Variants in ABI3BP observed in about 807,000 individuals in gnomAD.
ABI3BP encodes ABI family member 3 binding protein.
In ABI3BP, 216 loss-of-function variants were observed where a neutral mutation model predicts 268.6. The ratio of observed to expected loss-of-function variants is 0.80; its 90% CI spans 0.72 to 0.90. The LOEUF (loss-of-function observed/expected upper bound fraction) is 0.90, where lower values mean the gene tolerates loss of function less well. Among genes scored for constraint, ABI3BP ranks in the 40% least tolerant of loss-of-function variants. The pLI, the probability that ABI3BP is intolerant of heterozygous loss-of-function variation, is 0.00. For synonymous variants in ABI3BP, 730 were observed against 730.0 expected, an observed-to-expected ratio of 1.00 and a Z score of 0.00; for missense variants, 2,090 against 2,182.4, an observed-to-expected ratio of 0.96 and a Z score of 0.84.
intron 3 of ABI3BP, among the ~76,000 whole-genome samples, chr3:100,900,137 T>C (rs865912501): frequency 6.6e-6 from 1 of 152,376 alleles, no homozygotes; most frequent in Middle Eastern, 3.4e-3. Context: ...AAGATAGTTA[T>C]CATTTACATG....
chr3:100,864,973 C>T, intron 10 of ABI3BP, 66 bp from the exon 11 acceptor site: 2 of 1,218,042 alleles, frequency 1.6e-6, no homozygotes, highest in Non-Finnish European at 1.2e-6. Context: ...CCAGGAGACA[C>T]ATCCTGTTGC....
intron 14 of ABI3BP, among the ~76,000 whole-genome samples, chr3:100,853,295 CAA>C (rs1423160672): frequency 6.6e-6 from 1 of 152,154 alleles, no homozygotes; most frequent in Non-Finnish European, 1.5e-5. Flanking sequence ...ATTGTAATGT[CAA>C]GTTTCCTTTA....
Position 100,795,021 on chromosome 3 carries a change from C to T in ABI3BP, c.3866-18G>A, listed in dbSNP as rs1244788882. The stretch of plus-strand genomic sequence containing the variant: ...TAGAGGAGCTGCAAAAAGAAAAGGA[C>T]CAAGGTTGTAAATTTTTAGATTCAA... On this transcript the variant is annotated intron_variant, in intron 53 of 67. Transcript: ENST00000471714. 14 of 1,425,466 alleles carry T rather than the reference C, an allele frequency of 9.8e-6. No homozygotes were observed. The highest frequency in any genetic ancestry group is 1.3e-5 in the Non-Finnish European group (14 of 1,086,082). 88.3% of individuals were successfully genotyped at this position (1,425,466 alleles called of 1,614,324 possible).
At chr3:100,808,067 C>A in intron 50 of ABI3BP, 94 bp downstream of exon 50, 1 of 1,088,122 alleles carries the variant, frequency 9.2e-7, no homozygotes, top group South Asian at 1.3e-5. Flanking sequence ...GTGTTAAAGA[C>A]TCAATCTGCT....
intron 1 of ABI3BP, among the ~76,000 whole-genome samples, chr3:100,933,647 C>A (rs200837719): frequency 8.2e-4 from 66 of 80,926 alleles, no homozygotes; most frequent in Middle Eastern, 0.02. Flanking sequence ...ATATATATAT[C>A]TATTGAAGGA....
intron 1 of ABI3BP, among the ~76,000 whole-genome samples, chr3:100,947,804 G>C (rs1032529795): frequency 1.3e-5 from 2 of 151,992 alleles, no homozygotes; most frequent in African/African-American, 4.8e-5. Flanking sequence ...AAAGAGTGGC[G>C]GATAAGGCAC....
intron 16 of ABI3BP, among the ~76,000 whole-genome samples, 182 bp downstream of exon 16, chr3:100,850,478 T>C (rs546460794): frequency 6.6e-6 from 1 of 152,134 alleles, no homozygotes; most frequent in East Asian, 1.9e-4. Context: ...AAAAATAAAA[T>C]AGAGCCCTAA....
intron 20 of ABI3BP, among the ~76,000 whole-genome samples, chr3:100,844,918 A>C (rs2098750376): frequency 6.6e-6 from 1 of 152,224 alleles, no homozygotes; most frequent in South Asian, 2.1e-4. Flanking sequence ...TACAATGATA[A>C]AAATATAACC....
chr3:100,779,135 T>C (rs770661749), intron 58 of ABI3BP, among the ~76,000 whole-genome samples: 5 of 152,218 alleles, frequency 3.3e-5, no homozygotes, highest in South Asian at 2.1e-4. Flanking sequence ...CTCAGCTCTA[T>C]TATGTAATTA....
At chr3:100,766,894 A>T (rs1002301623) in intron 62 of ABI3BP, among the ~76,000 whole-genome samples, 2 of 152,226 alleles carry the variant, frequency 1.3e-5, no homozygotes, top group Non-Finnish European at 2.9e-5. Context: ...CTGGCAAGTT[A>T]TATTAGGGAT....
At chr3:100,916,342 G>C (rs147737585) in intron 2 of ABI3BP, among the ~76,000 whole-genome samples, 3 of 152,172 alleles carry the variant, frequency 2.0e-5, no homozygotes, top group Non-Finnish European at 2.9e-5. Flanking sequence ...CTTTTCAAAT[G>C]TTCTTGTCAG....
intron 1 of ABI3BP, among the ~76,000 whole-genome samples, chr3:100,979,342 T>G (rs2087991968): frequency 6.6e-6 from 1 of 152,136 alleles, no homozygotes; most frequent in South Asian, 2.1e-4. Flanking sequence ...GGATGCAAGT[T>G]CATAAATGAA....
At chr3:100,885,472 C>A in intron 6 of ABI3BP, 64 bp downstream of exon 6, 1 of 924,784 alleles carries the variant, frequency 1.1e-6, no homozygotes, top group Non-Finnish European at 1.6e-6. Context: ...TATAATAAGA[C>A]TATTTCCTTA....
intron 14 of ABI3BP, among the ~76,000 whole-genome samples, chr3:100,855,235 G>A (rs537504653): frequency 1.3e-5 from 2 of 152,272 alleles, no homozygotes; most frequent in Non-Finnish European, 2.9e-5. Context: ...CCTAAATTAT[G>A]TTTTGTTGAT....
At chr3:100,811,663 G>T (rs752599581) in intron 47 of ABI3BP, 65 bp downstream of exon 47, 254 of 1,444,464 alleles carry the variant, frequency 1.8e-4, no homozygotes, top group Non-Finnish European at 1.7e-4. Flanking sequence ...ATATTCCGTG[G>T]ATGTAACTGA....
chr3:100,817,918 A>G (rs1342405280), intron 41 of ABI3BP, among the ~76,000 whole-genome samples: 1 of 152,204 alleles, frequency 6.6e-6, no homozygotes, highest in Non-Finnish European at 1.5e-5. Context: ...TGAAAGCATA[A>G]AGAACACCAT....
In ABI3BP at chr3:100,752,993, C is replaced by A; in HGVS notation, c.4961-45G>T. 2.0e-6 allele frequency: 3 copies of A among 1,530,300 alleles called. No individual in the cohort carries two copies. The South Asian group carries it at 3.7e-5, about 19-fold the overall frequency. The allele number at this position is 1,530,300 out of a possible 1,614,324, so 94.8% of individuals were successfully genotyped here. ...TGAGTTTAGTATCTGACTCTTGGGT[C>A]AGATACTTCAAGAAATCAGTTTACA... On this transcript the variant is annotated intron_variant, in intron 65 of 67. Coordinates refer to ENST00000471714, the MANE Select transcript of ABI3BP (RefSeq NM_001375547.2).
chr3:100,839,866 G>T (rs1449469248), intron 23 of ABI3BP, among the ~76,000 whole-genome samples: 1 of 152,054 alleles, frequency 6.6e-6, no homozygotes, highest in Non-Finnish European at 1.5e-5. Context: ...TCTGCTGTGT[G>T]TACCTAATAA....
intron 31 of ABI3BP, 46 bp from the exon 32 acceptor site, chr3:100,830,680 T>A: frequency 6.9e-7 from 1 of 1,455,146 alleles, no homozygotes. Flanking sequence ...TGTGAATGCA[T>A]GAAATGTTGG....
Sources: gnomAD v4.1 joint callset for allele counts (sites outside exome capture counted in the v4.1 genomes callset) on GRCh38, gnomAD v4.1.1 for gene constraint, MANE v1.5 for transcripts, NCBI Gene and HGNC (gene_info 2026-07-23, HGNC 2026-07-21) for gene names.